ZNF81: variants seen among roughly 807,000 people sequenced by gnomAD.
ZNF81 encodes zinc finger protein 81, also known as zinc finger protein 81 (HFZ20).
In ZNF81, 5 loss-of-function variants were observed where a neutral mutation model predicts 32.3. That is an observed-to-expected ratio of 0.15 (90% CI 0.08 to 0.33). The LOEUF (loss-of-function observed/expected upper bound fraction) is 0.33. ZNF81 is among the 10% of genes least tolerant of loss of function. The pLI is 1.00. For synonymous variants in ZNF81, 163 were observed against 166.8 expected (o/e 0.98, Z 0.17); for missense variants, 379 against 479.8 (o/e 0.79, Z 1.96).
rs782229859 is a variant in ZNF81, at chrX:47,846,383, C to G, written c.54+62C>G. ...CATCCACAGCCCTGAAGGAAAGATA[C>G]TACCTCATAGTTTTCATTTCTAGTA... On this transcript the variant is annotated intron_variant, in intron 2 of 4. Coordinates refer to ENST00000338637, the MANE Select transcript of ZNF81 (RefSeq NM_007137.5). The G allele has an allele frequency of 5.9e-5, 67 of 1,143,850 alleles. No homozygotes were observed. The African/African-American group carries it at 1.1e-3, about 18-fold the overall frequency. The allele number at this position is 1,143,850 out of a possible 1,213,427, so 94.3% of individuals were successfully genotyped here.
chrX:47,897,010 T>C lies in ZNF81; in HGVS notation c.277+1070T>C, dbSNP rs1342016322. Among the ~76,000 whole-genome samples the C allele has an allele frequency of 2.7e-5, 3 of 112,367 alleles. No individual in the cohort carries two copies. In the Admixed American group the frequency reaches 2.8e-4, roughly 11 times the overall value. ...TGATGGATAGGTGGTTAATATTTGGTTATTATGAATGAAGCTGCAGTGAAC... is the reference window on the plus strand; with the variant it reads ...TGATGGATAGGTGGTTAATATTTGGCTATTATGAATGAAGCTGCAGTGAAC... On this transcript the variant is annotated intron_variant, in intron 4 of 4. Transcript: ENST00000338637.
rs782791556 is a variant in ZNF81 at position 47,925,400 on chromosome X, A to G, written c.*8768A>G. ...TTGCGTTTCCTACAATTTTATACAC[A>G]TGGAATAATACTATAGGTACTCTTG... is the stretch of plus-strand genomic sequence containing the variant. On this transcript the variant is annotated 3_prime_UTR_variant, in exon 5 of 5. Coordinates refer to ENST00000338637, the MANE Select transcript of ZNF81 (RefSeq NM_007137.5). 8.9e-6 allele frequency among the ~76,000 whole-genome samples: 1 copy of G among 112,040 alleles called. No individual in the cohort carries two copies. Among genetic ancestry groups the G allele is most frequent in the Admixed American group, 9.5e-5 (1 of 10,547 alleles).
chrX:47,892,956 T>C (rs781800428), intron 3 of ZNF81, among the ~76,000 whole-genome samples: 6 of 112,958 alleles, frequency 5.3e-5, no homozygotes, highest in Non-Finnish European at 1.1e-4. Flanking sequence ...CTGAAAGTGC[T>C]TCAGGCAAAG....
chrX:47,847,130 G>A (rs1485084498), intron 2 of ZNF81, among the ~76,000 whole-genome samples: 8 of 112,207 alleles, frequency 7.1e-5, no homozygotes, highest in African/African-American at 2.6e-4. Flanking sequence ...ATTAAAAGCA[G>A]TCATACAACA....
chrX:47,889,678 G>A (rs1176208123), intron 3 of ZNF81, among the ~76,000 whole-genome samples: 4 of 112,042 alleles, frequency 3.6e-5, no homozygotes, highest in Non-Finnish European at 3.8e-5. Flanking sequence ...GGTTTAATTC[G>A]CTCACGGTTC....
intron 2 of ZNF81, among the ~76,000 whole-genome samples, chrX:47,858,897 C>G (rs781993507): frequency 9.1e-6 from 1 of 110,264 alleles, no homozygotes; most frequent in Non-Finnish European, 1.9e-5. Flanking sequence ...TTGAGACCAG[C>G]CTGACCAACA....
intron 2 of ZNF81, among the ~76,000 whole-genome samples, chrX:47,864,523 G>A (rs1283094569): frequency 1.8e-5 from 2 of 111,884 alleles, no homozygotes; most frequent in Admixed American, 9.5e-5. Context: ...GTCATGTGAT[G>A]TGACCTTTCT....
rs1270488522 is a variant in ZNF81, at chrX:47,916,947, A to G, written c.*315A>G. Reference sequence around the variant, plus strand: ...AAGTTAAATTGTTACCAAATTCTTTATAGGAAGGAGAGTGCAAAATTATGT... The same window carrying G: ...AAGTTAAATTGTTACCAAATTCTTTGTAGGAAGGAGAGTGCAAAATTATGT... On this transcript the variant is annotated 3_prime_UTR_variant, in exon 5 of 5. Coordinates refer to ENST00000338637, the MANE Select transcript of ZNF81 (RefSeq NM_007137.5). 23 of 275,178 alleles carry G rather than the reference A, an allele frequency of 8.4e-5. No homozygotes were observed. The highest frequency in any genetic ancestry group is 1.4e-4 in the Non-Finnish European group (22 of 157,025). 22.7% of individuals were successfully genotyped at this position (275,178 alleles called of 1,213,427 possible). A position where few individuals can be genotyped will look rare whatever the true frequency, so the allele number is the denominator to read the frequency against.
At chrX:47,886,274 A>T (rs2058641332) in intron 2 of ZNF81, among the ~76,000 whole-genome samples, 2 of 111,628 alleles carry the variant, frequency 1.8e-5, no homozygotes, top group Admixed American at 1.9e-4. Context: ...TTGTTGTGAA[A>T]CATACATTAG....
At chrX:47,860,568 A>G (rs183466566) in intron 2 of ZNF81, among the ~76,000 whole-genome samples, 3 of 110,614 alleles carry the variant, frequency 2.7e-5, no homozygotes, top group East Asian at 5.7e-4. Flanking sequence ...CATCATGCCT[A>G]TGTGATGATG....
chrX:47,883,402 A>T (rs931752307), intron 2 of ZNF81, among the ~76,000 whole-genome samples: 2 of 112,102 alleles, frequency 1.8e-5, no homozygotes, highest in Non-Finnish European at 1.9e-5. Flanking sequence ...TTTAATTTTG[A>T]TAAGGTCCAG....
At chrX:47,873,549 A>G (rs1335191906) in intron 2 of ZNF81, among the ~76,000 whole-genome samples, 1 of 111,237 alleles carries the variant, frequency 9.0e-6, no homozygotes, top group Admixed American at 9.5e-5. Context: ...CTGGCTTCTT[A>G]CTCTAATGAC....
At chrX:47,868,324 G>T (rs2058567506) in intron 2 of ZNF81, among the ~76,000 whole-genome samples, 1 of 109,106 alleles carries the variant, frequency 9.2e-6, no homozygotes, top group African/African-American at 3.5e-5. Context: ...TGTCTATTAA[G>T]TAGATGCTTT....
At chrX:47,843,478 T>G (rs782337298) in intron 1 of ZNF81, among the ~76,000 whole-genome samples, 1 of 66,125 alleles carries the variant, frequency 1.5e-5, no homozygotes, top group South Asian at 6.4e-4. Context: ...CTTGACTCCT[T>G]TATCTGATTT....
chrX:47,849,146 C>G (rs1157054439), intron 2 of ZNF81, among the ~76,000 whole-genome samples: 5 of 112,135 alleles, frequency 4.5e-5, no homozygotes, highest in African/African-American at 1.3e-4. Context: ...TGTATACCCT[C>G]TCTTAAATAT....
intron 4 of ZNF81, among the ~76,000 whole-genome samples, chrX:47,913,186 A>C (rs1203061915): frequency 8.9e-6 from 1 of 111,960 alleles, no homozygotes; most frequent in Non-Finnish European, 1.9e-5. Flanking sequence ...AAGCAAGATT[A>C]GTGAGGATTT....
At chrX:47,887,389 C>T (rs2058645972) in intron 2 of ZNF81, among the ~76,000 whole-genome samples, 1 of 111,751 alleles carries the variant, frequency 8.9e-6, no homozygotes, top group South Asian at 3.7e-4. Flanking sequence ...ATCAGTGATG[C>T]AACAGGAAAT....
At position 47,921,940 on chromosome X, in the gene ZNF81, T is replaced by G. The variant is rs1185934273; in HGVS notation, c.*5308T>G. 1 of 111,805 alleles carries G rather than the reference T, an allele frequency of 8.9e-6. No homozygotes were observed. Among genetic ancestry groups the G allele is most frequent in the Non-Finnish European group, 1.9e-5 (1 of 53,163 alleles). 9.2% of individuals were successfully genotyped at this position (111,805 alleles called of 1,213,427 possible). A position where few individuals can be genotyped will look rare whatever the true frequency, so the allele number is the denominator to read the frequency against. On this transcript the variant is annotated 3_prime_UTR_variant, in exon 5 of 5. Transcript: ENST00000338637. Reference sequence around the variant, plus strand: ...AACTGCAAGACAATAAATGTTGTTTTAAGTTGCTAAATTTTAGGGTAATTT... The same window carrying G: ...AACTGCAAGACAATAAATGTTGTTTGAAGTTGCTAAATTTTAGGGTAATTT...
chrX:47,868,288 CTCTA>C (rs2058567274), intron 2 of ZNF81, among the ~76,000 whole-genome samples: 1 of 111,686 alleles, frequency 9.0e-6, no homozygotes, highest in Non-Finnish European at 1.9e-5. Flanking sequence ...TTTCTTCAGT[CTCTA>C]TCTGTGACTG....
Sources: allele counts gnomAD v4.1 joint callset (sites outside exome capture counted in the v4.1 genomes callset), GRCh38; gene constraint gnomAD v4.1.1; transcripts MANE v1.5; gene names NCBI Gene and HGNC (gene_info 2026-07-23, HGNC 2026-07-21).